Variants in PCDH9 observed in about 807,000 individuals in gnomAD.
The protein encoded by PCDH9 is protocadherin-9.
A neutral mutation model predicts 70.6 loss-of-function variants in PCDH9; 24 were observed. The ratio of observed to expected loss-of-function variants is 0.34; its 90% CI spans 0.25 to 0.48. PCDH9 has a LOEUF of 0.48. Ranked by LOEUF, PCDH9 falls within the 20% of genes least tolerant of loss-of-function variation. The pLI, the probability that PCDH9 is intolerant of heterozygous loss-of-function variation, is 0.99. For missense variants in PCDH9, 1,281 were observed against 1,503.6 expected, an observed-to-expected ratio of 0.85 and a Z score of 2.45; for synonymous variants, 562 against 558.5, an observed-to-expected ratio of 1.01 and a Z score of -0.09.
chr13:66,578,160 A>G (rs2076840949), intron 4 of PCDH9, among the ~76,000 whole-genome samples: 1 of 152,140 alleles, frequency 6.6e-6, no homozygotes, highest in Non-Finnish European at 1.5e-5. Context: ...ATACTTGTAA[A>G]GTAGAAAAAT....
intron 4 of PCDH9, among the ~76,000 whole-genome samples, chr13:66,613,382 C>T (rs2077317515): frequency 6.6e-6 from 1 of 152,230 alleles, no homozygotes; most frequent in Non-Finnish European, 1.5e-5. Flanking sequence ...CTCTTCTCCA[C>T]CCAGTCAGCA....
intron 4 of PCDH9, among the ~76,000 whole-genome samples, chr13:66,468,337 G>A (rs1180356576): frequency 6.6e-6 from 1 of 151,918 alleles, no homozygotes; most frequent in African/African-American, 2.4e-5. Flanking sequence ...TCACCACCTT[G>A]GTAAAATCTA....
chr13:66,900,742 A>G (rs1594230472), intron 3 of PCDH9, among the ~76,000 whole-genome samples: 1 of 151,790 alleles, frequency 6.6e-6, no homozygotes, highest in East Asian at 1.9e-4. Context: ...GTCAGCACTC[A>G]TTGACACCGA....
At chr13:66,551,124 A>AATAAG (rs1400309086) in intron 4 of PCDH9, among the ~76,000 whole-genome samples, 1 of 152,062 alleles carries the variant, frequency 6.6e-6, no homozygotes, top group African/African-American at 2.4e-5. Flanking sequence ...TCTACTAACA[A>AATAAG]ATACTTTATT....
intron 3 of PCDH9, among the ~76,000 whole-genome samples, chr13:66,889,788 G>C (rs981516676): frequency 6.6e-6 from 1 of 152,106 alleles, no homozygotes; most frequent in African/African-American, 2.4e-5. Flanking sequence ...TGAGAAAGAG[G>C]CACAATTCAA....
chr13:66,474,769 T>G (rs906972659), intron 4 of PCDH9, among the ~76,000 whole-genome samples: 3 of 152,078 alleles, frequency 2.0e-5, no homozygotes, highest in Non-Finnish European at 2.9e-5. Context: ...CAAGGGCATC[T>G]TAGGCTGGGA....
chr13:67,057,615 G>C (rs1784256378), intron 2 of PCDH9, among the ~76,000 whole-genome samples: 1 of 151,994 alleles, frequency 6.6e-6, no homozygotes, highest in Non-Finnish European at 1.5e-5. Flanking sequence ...GATAAGACCA[G>C]ATATAATAAA....
At chr13:67,048,269 GTA>G (rs796231433) in intron 2 of PCDH9, among the ~76,000 whole-genome samples, 2 of 152,222 alleles carry the variant, frequency 1.3e-5, no homozygotes, top group African/African-American at 4.8e-5. Flanking sequence ...GCTTGACTGG[GTA>G]TATGTTTCCC....
intron 2 of PCDH9, among the ~76,000 whole-genome samples, chr13:67,152,087 C>G (rs2087676972): frequency 6.6e-6 from 1 of 152,152 alleles, no homozygotes; most frequent in Non-Finnish European, 1.5e-5. Context: ...GAAGAACTTA[C>G]AAGACTTTTT....
chr13:67,210,321 C>A (rs904266838), intron 2 of PCDH9: 1 of 151,796 alleles, frequency 6.6e-6, no homozygotes, highest in African/African-American at 2.4e-5. Flanking sequence ...ACAGAGCAAC[C>A]TCAAAAAAGA....
intron 3 of PCDH9, among the ~76,000 whole-genome samples, chr13:66,652,482 G>GT (rs924696283): frequency 4.0e-5 from 6 of 151,254 alleles, no homozygotes; most frequent in African/African-American, 1.5e-4. Context: ...AATTAAAGAG[G>GT]TCACACAAAA....
chr13:66,842,305 G>A (rs1228507036), intron 3 of PCDH9, among the ~76,000 whole-genome samples: 2 of 152,030 alleles, frequency 1.3e-5, no homozygotes, highest in Non-Finnish European at 2.9e-5. Flanking sequence ...ACATTATACT[G>A]AAAAAGAAAA....
intron 2 of PCDH9, among the ~76,000 whole-genome samples, chr13:67,089,143 C>A (rs751119062): frequency 1.6e-4 from 24 of 152,030 alleles, no homozygotes; most frequent in East Asian, 1.2e-3. Flanking sequence ...TTTCTAAATC[C>A]AATTCCACAC....
intron 4 of PCDH9, among the ~76,000 whole-genome samples, chr13:66,497,957 T>A (rs973162012): frequency 6.0e-5 from 9 of 150,938 alleles, no homozygotes; most frequent in Non-Finnish European, 1.2e-4. Flanking sequence ...GTAGCTGGGA[T>A]TACAGACACC....
At chr13:66,689,190 A>T (rs145249615) in intron 3 of PCDH9, among the ~76,000 whole-genome samples, 28 of 152,236 alleles carry the variant, frequency 1.8e-4, no homozygotes, top group African/African-American at 6.7e-4. Flanking sequence ...TTTCTCAGGG[A>T]ATTTAGCACC....
At chr13:66,596,549 T>C (rs2077105338) in intron 4 of PCDH9, among the ~76,000 whole-genome samples, 1 of 151,664 alleles carries the variant, frequency 6.6e-6, no homozygotes, top group African/African-American at 2.4e-5. Flanking sequence ...TTGCTAGACA[T>C]TTGCTATTTG....
At chr13:67,218,636 A>G (rs537957536) in intron 2 of PCDH9, 1 of 152,176 alleles carries the variant, frequency 6.6e-6, no homozygotes, top group South Asian at 2.1e-4. Context: ...TTACACAAAC[A>G]TGATAAAATT....
At chr13:66,738,145 G>A (rs1461350746) in intron 3 of PCDH9, among the ~76,000 whole-genome samples, 5 of 152,170 alleles carry the variant, frequency 3.3e-5, no homozygotes, top group East Asian at 3.9e-4. Flanking sequence ...CTGGAGATCT[G>A]AGAACGGGCA....
chr13:66,968,643 CT>C (rs1449199611), intron 2 of PCDH9, among the ~76,000 whole-genome samples: 2 of 152,132 alleles, frequency 1.3e-5, no homozygotes, highest in East Asian at 3.9e-4. Context: ...ATCAATTCAA[CT>C]GTGCATTGCT....
Sources: gnomAD v4.1 joint callset for allele counts (sites outside exome capture counted in the v4.1 genomes callset) on GRCh38, gnomAD v4.1.1 for gene constraint, MANE v1.5 for transcripts, NCBI Gene and HGNC (gene_info 2026-07-23, HGNC 2026-07-21) for gene names.